Variants in RFT1 observed in about 807,000 individuals in gnomAD.
RFT1 encodes RFT1 glycolipid translocator homolog, also known as man(5)GlcNAc(2)-PP-dolichol translocation protein RFT1.
RFT1 carries 43 observed loss-of-function variants against 62.2 expected under a neutral mutation model. The ratio of observed to expected loss-of-function variants is 0.69; its 90% confidence interval spans 0.54 to 0.89. The LOEUF (loss-of-function observed/expected upper bound fraction) is 0.89. Among genes scored for constraint, RFT1 ranks in the 40% least tolerant of loss-of-function variants. The probability of loss-of-function intolerance (pLI) is 0.00; values close to 1 mark genes in which losing one functional copy is unlikely to be tolerated. For synonymous variants in RFT1, 262 were observed against 264.6 expected, an observed-to-expected ratio of 0.99 and a Z score of 0.10; for missense variants, 605 against 649.9, an observed-to-expected ratio of 0.93 and a Z score of 0.75.
intron 11 of RFT1, among the ~76,000 whole-genome samples, chr3:53,097,675 A>C (rs1701181994): frequency 6.6e-6 from 1 of 152,228 alleles, no homozygotes; most frequent in Admixed American, 6.5e-5. Flanking sequence ...CTAACACTGA[A>C]GTTACCGTAA....
chr3:53,106,266 A>T (rs1249363351), intron 8 of RFT1, among the ~76,000 whole-genome samples: 1 of 152,098 alleles, frequency 6.6e-6, no homozygotes, highest in African/African-American at 2.4e-5. Context: ...AGACAAAAAA[A>T]TAGGAAGTAA....
At chr3:53,077,885 CAATT>C in the RFT1 span, 2 of 152,280 alleles carry the variant, frequency 1.3e-5, no homozygotes, top group African/African-American at 4.8e-5. Flanking sequence ...CACGATGTCA[CAATT>C]AATACAGACC....
rs1428990699 is a variant in RFT1, at chr3:53,092,627, G to A, written c.1209-9C>T. ...GCATCACAAAATTGTACCTGGGGAG[G>A]AGACAGGAAAAGGAGGGCAGTGGTG... is the stretch of plus-strand genomic sequence containing the variant. On this transcript the variant is annotated splice_polypyrimidine_tract_variant and intron_variant, in intron 11 of 12. Coordinates refer to ENST00000296292, the MANE Select transcript of RFT1 (RefSeq NM_052859.4). 6.2e-7 allele frequency: 1 copy of A among 1,609,334 alleles called. No individual in the cohort carries two copies. Among genetic ancestry groups the A allele is most frequent in the African/African-American group, 1.3e-5 (1 of 74,898 alleles).
At chr3:53,116,659 T>C (rs1374654885) in intron 6 of RFT1, among the ~76,000 whole-genome samples, 1 of 151,610 alleles carries the variant, frequency 6.6e-6, no homozygotes, top group African/African-American at 2.4e-5. Flanking sequence ...TAGAGTGTAG[T>C]GGTGCGATCT....
chr3:53,081,352 G>C, the RFT1 span, among the ~76,000 whole-genome samples: 1 of 152,222 alleles, frequency 6.6e-6, no homozygotes, highest in Non-Finnish European at 1.5e-5. Context: ...TGAGGGTGGA[G>C]AGGAGCAGAG....
intron 3 of RFT1, among the ~76,000 whole-genome samples, chr3:53,122,829 C>T (rs1474647328): frequency 2.0e-5 from 3 of 152,142 alleles, no homozygotes; most frequent in Non-Finnish European, 4.4e-5. Flanking sequence ...AACAGCTAAT[C>T]AAGGGCAGAA....
chr3:53,118,919 G>A (rs373057384), intron 6 of RFT1, among the ~76,000 whole-genome samples: 4 of 152,292 alleles, frequency 2.6e-5, no homozygotes, highest in South Asian at 4.1e-4. Context: ...CTGACACTCA[G>A]AAGGAGACCA....
chr3:53,103,766 C>A (rs373854862), intron 10 of RFT1, 187 bp downstream of exon 10: 4 of 714,520 alleles, frequency 5.6e-6, no homozygotes, highest in Non-Finnish European at 9.8e-6. Context: ...GGCGCCAACG[C>A]CCCTGCCTAT....
chr3:53,095,241 G>A (rs2107080342), intron 11 of RFT1, among the ~76,000 whole-genome samples: 1 of 151,906 alleles, frequency 6.6e-6, no homozygotes, highest in Non-Finnish European at 1.5e-5. Context: ...CCAGCCTGGA[G>A]ACAGAGCAAG....
chr3:53,106,750 G>GA (rs1559588403), intron 8 of RFT1, 69 bp downstream of exon 8: 1 of 1,147,002 alleles, frequency 8.7e-7, no homozygotes, highest in Non-Finnish European at 1.3e-6. Context: ...ATATATCAGA[G>GA]AAAAATATTA....
chr3:53,069,618 C>T, the RFT1 span, among the ~76,000 whole-genome samples: 1 of 152,156 alleles, frequency 6.6e-6, no homozygotes, highest in African/African-American at 2.4e-5. Context: ...GAGACAAATT[C>T]CCATTGAAGA....
At chr3:53,100,302 G>A (rs956461651) in intron 10 of RFT1, among the ~76,000 whole-genome samples, 13 of 152,156 alleles carry the variant, frequency 8.5e-5, no homozygotes, top group Admixed American at 7.9e-4. Flanking sequence ...ACAAGCTTCG[G>A]AAAAATCTTC....
At chr3:53,103,324 C>G in intron 10 of RFT1, 1 of 960,916 alleles carries the variant, frequency 1.0e-6, no homozygotes, top group Non-Finnish European at 1.2e-6. Context: ...AATGGACTGC[C>G]AGCTTACAGC....
rs1701001018 is a variant in RFT1, at chr3:53,091,934, C to A, written c.1595G>T (p.Gly532Val). The A allele has an allele frequency of 1.9e-6, 3 of 1,614,140 alleles. No individual in the cohort carries two copies. Among genetic ancestry groups the A allele is most frequent in the South Asian group, 1.1e-5 (1 of 91,088 alleles). Residue 532 changes from glycine to valine, a missense_variant, in exon 13 of 13, where the codon GGT (glycine) becomes GTT (valine). Physicochemically the swap from Gly to Val is moderately radical, Grantham distance 109. Transcript: ENST00000296292. The stretch of plus-strand genomic sequence containing the variant: ...CATTTTGTCAGTGCGTCTGGGCACA[C>A]CTAACTGAGTCCTGAGGAAATGGAT... ...KLIHFLRTQLGVPRRTDKMT is the reference protein window; with the variant it reads ...KLIHFLRTQLVVPRRTDKMT
chr3:53,128,865 T>C (rs1302531505), intron 1 of RFT1, among the ~76,000 whole-genome samples: 1 of 152,200 alleles, frequency 6.6e-6, no homozygotes, highest in Non-Finnish European at 1.5e-5. Flanking sequence ...TATTTGACAC[T>C]AAAAACAACG....
rs1243697339 is a variant in RFT1 at position 53,092,379 on chromosome 3, G to T, written c.1448C>A (p.Ala483Asp). 1 of 1,601,506 alleles carries T rather than the reference G, an allele frequency of 6.2e-7. No homozygotes were observed. The highest frequency in any genetic ancestry group is 1.7e-5 in the Admixed American group (1 of 57,320). ...GTFALSGGVTAVSEVFLCCEQ... is the reference protein window; with the variant it reads ...GTFALSGGVTDVSEVFLCCEQ... Reference sequence around the variant, plus strand: ...CTCAGGGAGTCTCACCTCCGAAACAGCAGTAACCCCACCACTGAGGGCAAA... The same window carrying T: ...CTCAGGGAGTCTCACCTCCGAAACATCAGTAACCCCACCACTGAGGGCAAA... The change falls in exon 12 of 13, where the codon GCT (alanine) becomes GAT (aspartate). Residue 483 changes from alanine to aspartate, a missense_variant. Coordinates refer to ENST00000296292, the MANE Select transcript of RFT1 (RefSeq NM_052859.4).
intron 11 of RFT1, among the ~76,000 whole-genome samples, chr3:53,095,943 C>T (rs1036151319): frequency 3.9e-5 from 6 of 152,106 alleles, no homozygotes; most frequent in African/African-American, 1.4e-4. Flanking sequence ...ACTCAAAGGC[C>T]AACAAATCAG....
intron 6 of RFT1, among the ~76,000 whole-genome samples, chr3:53,117,380 A>C (rs1290233845): frequency 6.6e-6 from 1 of 152,150 alleles, no homozygotes; most frequent in African/African-American, 2.4e-5. Context: ...GTCTGGGGAG[A>C]GTCCCACAGG....
the RFT1 span, among the ~76,000 whole-genome samples, chr3:53,070,465 G>A: frequency 1.5e-5 from 2 of 133,126 alleles, no homozygotes; most frequent in East Asian, 2.5e-4. Context: ...GCAGTGGCAC[G>A]ATCTCAGCTT....
Sources: gnomAD v4.1 joint callset for allele counts (sites outside exome capture counted in the v4.1 genomes callset) on GRCh38, gnomAD v4.1.1 for gene constraint, MANE v1.5 for transcripts, NCBI Gene and HGNC (gene_info 2026-07-23, HGNC 2026-07-21) for gene names.